Variants in PTPN4 observed in about 807,000 individuals in gnomAD.
The protein encoded by PTPN4 is tyrosine-protein phosphatase non-receptor type 4.
A neutral mutation model predicts 135.5 loss-of-function variants in PTPN4; 49 were observed. That is an observed-to-expected ratio of 0.36 (90% CI 0.29 to 0.46). The LOEUF (loss-of-function observed/expected upper bound fraction) is 0.46, where lower values mean the gene tolerates loss of function less well. PTPN4 is among the 20% of genes least tolerant of loss of function. PTPN4 has a pLI of 1.00. For synonymous variants in PTPN4, 333 were observed against 369.9 expected, an observed-to-expected ratio of 0.90 and a Z score of 1.14; for missense variants, 860 against 1,101.0, an observed-to-expected ratio of 0.78 and a Z score of 3.10.
rs1679114877 is a variant in PTPN4, at chr2:119,945,206, C to T, written c.1481C>T (p.Thr494Ile). 6.3e-7 allele frequency: 1 copy of T among 1,590,050 alleles called. No individual in the cohort carries two copies. The highest frequency in any genetic ancestry group is 8.5e-7 in the Non-Finnish European group (1 of 1,170,018). Residue 494 changes from threonine to isoleucine, a missense_variant, in exon 16 of 27, where the codon ACA becomes ATA. Around this residue, in one of 2 missense-constraint regions of PTPN4, gnomAD observed 684 missense variants for 807.0 expected, o/e 0.85. Transcript: ENST00000263708. Reference protein sequence around the residue: ...QQDLESHINETFDIPSSPEKP... With the variant: ...QQDLESHINEIFDIPSSPEKP... The stretch of plus-strand genomic sequence containing the variant: ...GATCTAGAAAGTCATATTAATGAAA[C>T]ATTTGATATTCCATCTTCTCCTGAA...
At chr2:119,922,592 T>C (rs1240561801) in intron 12 of PTPN4, among the ~76,000 whole-genome samples, 1 of 152,220 alleles carries the variant, frequency 6.6e-6, no homozygotes, top group East Asian at 1.9e-4. Flanking sequence ...AAATTTTGTT[T>C]AGGATTTTTG....
intron 15 of PTPN4, among the ~76,000 whole-genome samples, chr2:119,940,834 AT>A (rs1240444171): frequency 6.6e-6 from 1 of 152,184 alleles, no homozygotes; most frequent in Non-Finnish European, 1.5e-5. Context: ...TTTAAAAAAA[AT>A]TCATGATTTT....
At chr2:119,838,259 AT>A (rs995499208) in intron 2 of PTPN4, among the ~76,000 whole-genome samples, 2 of 151,482 alleles carry the variant, frequency 1.3e-5, no homozygotes, top group African/African-American at 4.9e-5. Flanking sequence ...CATGTGCAGG[AT>A]GTACTCCTGC....
chr2:119,860,801 G>A (rs1677749812), intron 2 of PTPN4, among the ~76,000 whole-genome samples: 2 of 152,248 alleles, frequency 1.3e-5, no homozygotes, highest in South Asian at 4.1e-4. Context: ...AGCACTTTGG[G>A]AGGCTGAGGC....
chr2:119,873,182 G>A (rs1219926728), intron 3 of PTPN4, among the ~76,000 whole-genome samples: 1 of 148,632 alleles, frequency 6.7e-6, no homozygotes, highest in Non-Finnish European at 1.5e-5. Context: ...TTTTTTTTTT[G>A]TTGTTGTTGT....
intron 2 of PTPN4, among the ~76,000 whole-genome samples, chr2:119,848,893 C>G (rs1452716263): frequency 2.0e-5 from 3 of 152,220 alleles, no homozygotes; most frequent in African/African-American, 7.2e-5. Context: ...GCCACCACAC[C>G]TGGCCTCTTC....
At chr2:119,900,607 C>T (rs2105014799) in intron 9 of PTPN4, 111 bp from the exon 10 acceptor site, 1 of 583,228 alleles carries the variant, frequency 1.7e-6, no homozygotes, top group Non-Finnish European at 2.8e-6. Context: ...TTCTTTGCAA[C>T]CTTTGAAAAT....
At chr2:119,786,993 T>C (rs72836811) in intron 1 of PTPN4, among the ~76,000 whole-genome samples, 6,556 of 152,256 alleles carry the variant, frequency 0.043, 220 homozygotes, top group South Asian at 0.069. Flanking sequence ...GACACCTTAT[T>C]ATACCTTTAT....
chr2:119,803,194 C>A (rs115417948), intron 1 of PTPN4, among the ~76,000 whole-genome samples: 2,564 of 151,926 alleles, frequency 0.017, 41 homozygotes, highest in Non-Finnish European at 0.027. Context: ...GATTTATGTT[C>A]TTTGTTATTT....
chr2:119,789,032 C>G lies in PTPN4; in HGVS notation c.-17-20805C>G, dbSNP rs1339895521. ...AGTGGGTGCACCATTTACACTCCCA[C>G]CAACAGTGTACTTCCAGTTTCTCCT... On this transcript the variant is annotated intron_variant, in intron 1 of 26. Transcript: ENST00000263708. 2.0e-5 allele frequency among the ~76,000 whole-genome samples: 3 copies of G among 151,938 alleles called. No individual in the cohort carries two copies. In the East Asian group the frequency reaches 5.8e-4, roughly 29 times the overall value.
chr2:119,927,534 G>A (rs1216374675), intron 13 of PTPN4, among the ~76,000 whole-genome samples: 1 of 152,160 alleles, frequency 6.6e-6, no homozygotes, highest in Admixed American at 6.5e-5. Context: ...AAACTATAAG[G>A]TAATTGCAGT....
intron 6 of PTPN4, 55 bp downstream of exon 6, chr2:119,881,885 T>C: frequency 1.5e-6 from 2 of 1,341,852 alleles, no homozygotes; most frequent in Non-Finnish European, 2.1e-6. Context: ...AAAAATACTT[T>C]TTAAATCTGT....
At chr2:119,814,157 G>A (rs141271886) in intron 2 of PTPN4, among the ~76,000 whole-genome samples, 130 of 152,244 alleles carry the variant, frequency 8.5e-4, no homozygotes, top group African/African-American at 2.7e-3. Context: ...AGTTTTATAG[G>A]TCTTGAGTTT....
chr2:119,965,141 C>T (rs1379830224), intron 24 of PTPN4, among the ~76,000 whole-genome samples: 1 of 152,146 alleles, frequency 6.6e-6, no homozygotes, highest in Non-Finnish European at 1.5e-5. Context: ...AGTTAGCTTA[C>T]CTCAGGGTCC....
At chr2:119,783,408 T>G (rs1471401580) in intron 1 of PTPN4, among the ~76,000 whole-genome samples, 4 of 152,180 alleles carry the variant, frequency 2.6e-5, no homozygotes. Context: ...CTTTTCCCCT[T>G]GATTTTCTGG....
chr2:119,946,719 G>A (rs963440543), intron 18 of PTPN4, 145 bp downstream of exon 18: 10 of 650,640 alleles, frequency 1.5e-5, no homozygotes, highest in Non-Finnish European at 2.5e-5. Flanking sequence ...TCTTTAAGTT[G>A]CTGGGAAGTT....
intron 3 of PTPN4, among the ~76,000 whole-genome samples, chr2:119,875,894 T>TAATGA (rs1677976624): frequency 6.6e-6 from 1 of 152,180 alleles, no homozygotes; most frequent in African/African-American, 2.4e-5. Flanking sequence ...TGAGGTAATG[T>TAATGA]AATGAAGGGA....
chr2:119,803,094 G>C (rs1160980521), intron 1 of PTPN4, among the ~76,000 whole-genome samples: 2 of 152,100 alleles, frequency 1.3e-5, no homozygotes, highest in African/African-American at 4.8e-5. Flanking sequence ...TGTTAGCCTT[G>C]CTAGAGGTTT....
chr2:119,852,974 T>C (rs1677615691), intron 2 of PTPN4, among the ~76,000 whole-genome samples: 1 of 152,224 alleles, frequency 6.6e-6, no homozygotes, highest in African/African-American at 2.4e-5. Context: ...GATTTCATTA[T>C]AGTCACAGAA....
Sources: gnomAD v4.1 joint callset for allele counts (sites outside exome capture counted in the v4.1 genomes callset) on GRCh38, gnomAD v4.1.1 for gene constraint, gnomAD v4.1.1 regional missense constraint, MANE v1.5 for transcripts, NCBI Gene and HGNC (gene_info 2026-07-23, HGNC 2026-07-21) for gene names.